Variants in PCBP3 observed in about 807,000 individuals in gnomAD.
PCBP3 encodes poly(rC) binding protein 3.
PCBP3 carries 25 observed loss-of-function variants against 52.7 expected under a neutral mutation model. That is an observed-to-expected ratio of 0.47 (90% confidence interval 0.35 to 0.66). PCBP3 has a LOEUF of 0.66. Among genes scored for constraint, PCBP3 ranks in the 30% least tolerant of loss-of-function variants. The pLI is 0.01. For missense variants in PCBP3, 391 were observed against 490.3 expected, an observed-to-expected ratio of 0.80 and a Z score of 1.91; for synonymous variants, 162 against 183.0, an observed-to-expected ratio of 0.89 and a Z score of 0.93.
intron 10 of PCBP3, 101 bp downstream of exon 10, chr21:45,909,587 C>A: frequency 8.2e-7 from 1 of 1,223,354 alleles, no homozygotes; most frequent in Non-Finnish European, 1.1e-6. Flanking sequence ...TCCCTGCTGT[C>A]TGCAAGCCCA....
intron 2 of PCBP3, among the ~76,000 whole-genome samples, chr21:45,725,929 C>T (rs1050432513): frequency 6.6e-6 from 1 of 151,944 alleles, no homozygotes; most frequent in African/African-American, 2.4e-5. Flanking sequence ...GGAGAGCAGG[C>T]CCCCTCTAGG....
chr21:45,909,210 C>T, intron 9 of PCBP3, 145 bp from the exon 10 acceptor site: 1 of 824,898 alleles, frequency 1.2e-6, no homozygotes, highest in Non-Finnish European at 1.9e-6. Flanking sequence ...CCTCCCTGGC[C>T]TGGCCTGGCC....
chr21:45,654,883 C>T (rs752484489), intron 1 of PCBP3, among the ~76,000 whole-genome samples: 11 of 152,142 alleles, frequency 7.2e-5, no homozygotes, highest in Non-Finnish European at 1.0e-4. Flanking sequence ...TTCTTCCTCC[C>T]CAAAGGCCCT....
At chr21:45,836,349 CTG>C (rs1603448275) in intron 4 of PCBP3, 1 of 152,458 alleles carries the variant, frequency 6.6e-6, no homozygotes, top group East Asian at 1.9e-4. Context: ...TGCGCCAGGC[CTG>C]TGTGTGCCTT....
chr21:45,823,111 C>T (rs1389439496), intron 4 of PCBP3, among the ~76,000 whole-genome samples: 3 of 152,198 alleles, frequency 2.0e-5, no homozygotes, highest in Admixed American at 6.5e-5. Flanking sequence ...TACAAGGACT[C>T]ACATTGACGT....
chr21:45,783,771 A>G (rs2090829226), intron 4 of PCBP3, among the ~76,000 whole-genome samples: 1 of 152,222 alleles, frequency 6.6e-6, no homozygotes, highest in Admixed American at 6.5e-5. Flanking sequence ...GATTACCAGT[A>G]AAAGAACCAA....
chr21:45,766,143 C>T (rs902574813), intron 4 of PCBP3, among the ~76,000 whole-genome samples: 3 of 152,226 alleles, frequency 2.0e-5, no homozygotes, highest in Admixed American at 6.5e-5. Context: ...TAGGGAGCAG[C>T]GGCATTGACC....
At chr21:45,899,719 C>T (rs747672741) in intron 7 of PCBP3, 97 bp downstream of exon 7, 141 of 873,648 alleles carry the variant, frequency 1.6e-4, no homozygotes, top group Non-Finnish European at 2.5e-4. Context: ...CCAGTAGGTG[C>T]GCCTTTCCCA....
intron 4 of PCBP3, among the ~76,000 whole-genome samples, chr21:45,843,826 T>C (rs2093748177): frequency 6.6e-6 from 1 of 152,224 alleles, no homozygotes; most frequent in Non-Finnish European, 1.5e-5. Context: ...TAGGAGAATG[T>C]GTTACCTCTG....
At chr21:45,776,395 G>T (rs1417359420) in intron 4 of PCBP3, among the ~76,000 whole-genome samples, 2 of 151,984 alleles carry the variant, frequency 1.3e-5, no homozygotes, top group East Asian at 1.9e-4. Context: ...CTCTGAGAGT[G>T]GGGTGTTGAA....
At chr21:45,890,051 G>T (rs1006851432) in intron 5 of PCBP3, among the ~76,000 whole-genome samples, 1 of 152,250 alleles carries the variant, frequency 6.6e-6, no homozygotes, top group African/African-American at 2.4e-5. Flanking sequence ...CATGCCAGGG[G>T]CTGGGACTGC....
Position 45,805,924 on chromosome 21 carries a change from G to A in PCBP3, c.-125-44037G>A, listed in dbSNP as rs1034194930. On this transcript the variant is annotated intron_variant, in intron 4 of 17. Transcript: ENST00000681687. The surrounding 1 kb of genome is among the most constrained non-coding windows in gnomAD (Gnocchi z 4.6). Reference sequence around the variant, plus strand: ...GGGCGGGCCATGAGGGGAAGTCCAGGCCTCTCCACCCAGGAGTCTGTGAGG... The same window carrying A: ...GGGCGGGCCATGAGGGGAAGTCCAGACCTCTCCACCCAGGAGTCTGTGAGG... Among the ~76,000 whole-genome samples the A allele has an allele frequency of 3.9e-5, 6 of 152,178 alleles. No homozygotes were observed. Among genetic ancestry groups the A allele is most frequent in the Non-Finnish European group, 7.3e-5 (5 of 68,034 alleles).
chr21:45,674,169 AC>A (rs2081331984), intron 2 of PCBP3, among the ~76,000 whole-genome samples: 1 of 152,174 alleles, frequency 6.6e-6, no homozygotes, highest in Non-Finnish European at 1.5e-5. Flanking sequence ...ATGTAAATCC[AC>A]CATGTAACTT....
chr21:45,869,805 C>G (rs1270226761), intron 5 of PCBP3, among the ~76,000 whole-genome samples: 1 of 152,216 alleles, frequency 6.6e-6, no homozygotes, highest in African/African-American at 2.4e-5. Flanking sequence ...TCTTTGGATC[C>G]CTGCAGCCCT....
Position 45,784,391 on chromosome 21 carries a change from TCTACCG to T in PCBP3, c.-126+28945_-126+28950del, listed in dbSNP as rs201132923. ...CTCTACCTCTACCTCTACCTCTACC[TCTACCG>T]CTACCTCTACCGCTACCGCTACCCC... On this transcript the variant is annotated intron_variant, in intron 4 of 17. Transcript: ENST00000681687. Among the ~76,000 whole-genome samples the T allele has an allele frequency of 8.1e-3, 915 of 113,170 alleles. 16 individuals carry two copies. The highest frequency in any genetic ancestry group is 0.027 in the African/African-American group (849 of 31,932). The allele number at this position is 113,170 out of a possible 152,430, so 74.2% of individuals were successfully genotyped here. A position where few individuals can be genotyped will look rare whatever the true frequency, so the allele number is the denominator to read the frequency against.
intron 13 of PCBP3, among the ~76,000 whole-genome samples, chr21:45,922,298 G>C (rs530103411): frequency 3.9e-5 from 6 of 152,110 alleles, no homozygotes; most frequent in Admixed American, 1.3e-4. Flanking sequence ...TCTCTCCTGC[G>C]ATCCCAGCAC....
At chr21:45,883,376 C>G (rs773578429) in intron 5 of PCBP3, among the ~76,000 whole-genome samples, 2 of 152,206 alleles carry the variant, frequency 1.3e-5, no homozygotes, top group East Asian at 1.9e-4. Flanking sequence ...TGATGCTGGA[C>G]AGAGTGTTCC....
intron 4 of PCBP3, among the ~76,000 whole-genome samples, chr21:45,839,151 C>G (rs942499263): frequency 3.3e-5 from 5 of 151,994 alleles, no homozygotes; most frequent in African/African-American, 1.2e-4. Context: ...TATTATCACT[C>G]TCTATATAAT....
At position 45,837,461 on chromosome 21, in the gene PCBP3, C is replaced by T. The variant is rs1168243361; in HGVS notation, c.-125-12500C>T. 2.0e-5 allele frequency among the ~76,000 whole-genome samples: 3 copies of T among 152,206 alleles called. No homozygotes were observed. The highest frequency in any genetic ancestry group is 2.9e-5 in the Non-Finnish European group (2 of 68,046). On this transcript the variant is annotated intron_variant, in intron 4 of 17. Coordinates refer to ENST00000681687, the MANE Select transcript of PCBP3 (RefSeq NM_001384156.1). This position sits in a 1 kb window ranked among gnomAD's most constrained non-coding sequence, Gnocchi z 4.1. ...GGGATGGCGCTGTGAGAACAGGCCA[C>T]GGCGCCCTAGCTTCAGGTTATAGGG...
Sources: allele counts gnomAD v4.1 joint callset (sites outside exome capture counted in the v4.1 genomes callset), GRCh38; gene constraint gnomAD v4.1.1; non-coding constraint Gnocchi (gnomAD v3.1); transcripts MANE v1.5; gene names NCBI Gene and HGNC (gene_info 2026-07-23, HGNC 2026-07-21).